ACSBG1: variants seen among roughly 807,000 people sequenced by gnomAD.
ACSBG1 encodes long-chain-fatty-acid--CoA ligase ACSBG1.
ACSBG1 carries 39 observed loss-of-function variants against 80.2 expected under a neutral mutation model. That is an observed-to-expected ratio of 0.49 (90% CI 0.38 to 0.64). The LOEUF (loss-of-function observed/expected upper bound fraction) is 0.64. ACSBG1 is among the 30% of genes least tolerant of loss of function. The pLI, the probability that ACSBG1 is intolerant of heterozygous loss-of-function variation, is 0.00. For synonymous variants in ACSBG1, 392 were observed against 379.5 expected, an observed-to-expected ratio of 1.03 and a Z score of -0.38; for missense variants, 828 against 966.4, an observed-to-expected ratio of 0.86 and a Z score of 1.90.
At chr15:78,207,711 T>C in intron 2 of ACSBG1, 1 of 411,410 alleles carries the variant, frequency 2.4e-6, no homozygotes, top group Non-Finnish European at 4.4e-6. Flanking sequence ...TCCCAAGGCC[T>C]GGGCCCAGAT....
chr15:78,234,451 G>T lies in ACSBG1; in HGVS notation c.51C>A (p.Ser17Arg). The T allele has an allele frequency of 6.2e-7, 1 of 1,612,980 alleles. No homozygotes were observed. The change falls in exon 1 of 14, where the codon AGC becomes AGA. Residue 17 changes from serine to arginine, a missense_variant. This residue lies in a region of ACSBG1 where 356 missense variants were observed against 363.5 expected (regional missense o/e 0.98). Coordinates refer to ENST00000258873, the MANE Select transcript of ACSBG1 (RefSeq NM_015162.5). ...AGYGCPHGDP[S>R]MLDSRETPQE... ...GTGGGGTCTCTCTGCTGTCCAGCAT[G>T]CTGGGGTCCCCGTGTGGGCAGCCGT... is the stretch of plus-strand genomic sequence containing the variant.
At chr15:78,176,617 C>CA (rs2074885252) in intron 11 of ACSBG1, among the ~76,000 whole-genome samples, 1 of 152,006 alleles carries the variant, frequency 6.6e-6, no homozygotes, top group Non-Finnish European at 1.5e-5. Context: ...GAAAGATGTG[C>CA]AAAAATCTCT....
intron 1 of ACSBG1, among the ~76,000 whole-genome samples, chr15:78,219,286 T>A (rs2075340108): frequency 6.6e-6 from 1 of 151,878 alleles, no homozygotes; most frequent in Non-Finnish European, 1.5e-5. Context: ...TGCACACCTG[T>A]GATCCCAGCT....
intron 1 of ACSBG1, among the ~76,000 whole-genome samples, chr15:78,228,043 C>T (rs1443580421): frequency 6.6e-6 from 1 of 152,196 alleles, no homozygotes; most frequent in East Asian, 1.9e-4. Flanking sequence ...TAGATGCATG[C>T]ACCTCCACAC....
At chr15:78,195,141 G>A (rs187284978) in intron 2 of ACSBG1, among the ~76,000 whole-genome samples, 2 of 152,304 alleles carry the variant, frequency 1.3e-5, no homozygotes, top group East Asian at 3.9e-4. Context: ...TAGACAGAAG[G>A]TCAAAGCACC....
chr15:78,172,469 C>T lies in ACSBG1; in HGVS notation c.2090-940G>A, dbSNP rs569024524. Among the ~76,000 whole-genome samples the T allele has an allele frequency of 1.3e-5, 2 of 152,066 alleles. No homozygotes were observed. Among genetic ancestry groups the T allele is most frequent in the Non-Finnish European group, 2.9e-5 (2 of 68,018 alleles). ...TTACTTTTCTTAACCTTGATTTATC[C>T]CCCAAAAGCAAGTTTGAAAGAGCTC... On this transcript the variant is annotated intron_variant, in intron 13 of 13. Coordinates refer to ENST00000258873, the MANE Select transcript of ACSBG1 (RefSeq NM_015162.5). This position sits in a 1 kb window ranked among gnomAD's most constrained non-coding sequence, Gnocchi z 4.1.
At chr15:78,207,926 C>T in intron 2 of ACSBG1, 76 bp downstream of exon 2, 1 of 662,146 alleles carries the variant, frequency 1.5e-6, no homozygotes, top group Non-Finnish European at 2.7e-6. Context: ...GTCCCCCACA[C>T]CACCCACCCC....
intron 2 of ACSBG1, among the ~76,000 whole-genome samples, chr15:78,200,700 C>T (rs1207972428): frequency 1.3e-5 from 2 of 152,192 alleles, no homozygotes; most frequent in Non-Finnish European, 2.9e-5. Flanking sequence ...AAAGGACTAT[C>T]ATGCCTCCCG....
chr15:78,234,220 T>A (rs577505477), intron 1 of ACSBG1, 151 bp downstream of exon 1: 22 of 1,133,630 alleles, frequency 1.9e-5, no homozygotes, highest in Non-Finnish European at 2.5e-5. Context: ...AGTTCTTCCA[T>A]CTTACGGATC....
At chr15:78,232,983 T>A (rs1379025430) in intron 1 of ACSBG1, among the ~76,000 whole-genome samples, 2 of 152,230 alleles carry the variant, frequency 1.3e-5, no homozygotes, top group Non-Finnish European at 2.9e-5. Context: ...GCATGGCCTC[T>A]GGACATATTT....
intron 5 of ACSBG1, 198 bp from the exon 6 acceptor site, chr15:78,182,983 A>G (rs1825906182): frequency 1.6e-6 from 1 of 616,904 alleles, no homozygotes; most frequent in Non-Finnish European, 2.9e-6. Flanking sequence ...AGGTGGGGAT[A>G]GCCAGGGGAC....
intron 1 of ACSBG1, among the ~76,000 whole-genome samples, chr15:78,215,423 G>C (rs577132761): frequency 1.3e-5 from 2 of 152,172 alleles, no homozygotes; most frequent in East Asian, 3.9e-4. Context: ...TTGGGAGGCC[G>C]AGGCGGGTGG....
chr15:78,173,892 C>A, intron 12 of ACSBG1, 53 bp from the exon 13 acceptor site: 4 of 1,580,120 alleles, frequency 2.5e-6, no homozygotes, highest in Non-Finnish European at 3.4e-6. Context: ...AAGACGTAAG[C>A]CCTGGTCCTG....
In ACSBG1 at chr15:78,168,340, T is replaced by A. The variant is rs1280339656; in HGVS notation, c.*3104A>T. 6.6e-6 allele frequency: 1 copy of A among 151,968 alleles called. No homozygotes were observed. Among genetic ancestry groups the A allele is most frequent in the Non-Finnish European group, 1.5e-5 (1 of 68,006 alleles). 9.4% of individuals were successfully genotyped at this position (151,968 alleles called of 1,614,324 possible). A position where few individuals can be genotyped will look rare whatever the true frequency, so the allele number is the denominator to read the frequency against. On this transcript the variant is annotated 3_prime_UTR_variant, in exon 14 of 14. Coordinates refer to ENST00000258873, the MANE Select transcript of ACSBG1 (RefSeq NM_015162.5). Reference sequence around the variant, plus strand: ...TCCAAAAATAGATCAGATACAAAAATTAGTTGGGTATGGTGGCATGCACTT... The same window carrying A: ...TCCAAAAATAGATCAGATACAAAAAATAGTTGGGTATGGTGGCATGCACTT...
chr15:78,175,755 T>C (rs1441154145), intron 11 of ACSBG1, among the ~76,000 whole-genome samples: 1 of 152,116 alleles, frequency 6.6e-6, no homozygotes, highest in Non-Finnish European at 1.5e-5. Flanking sequence ...ACAGGCTGGC[T>C]AGAGAGGAAT....
chr15:78,174,382 C>A lies in ACSBG1; in HGVS notation c.1842+3G>T. ...CTTCTGAGCTGGAGCCCCCCAGACA[C>A]ACCTTCAAGGTGAGCAGCATGGACA... On this transcript the variant is annotated splice_donor_region_variant and intron_variant, in intron 12 of 13. Transcript: ENST00000258873. The A allele has an allele frequency of 1.2e-6, 2 of 1,614,202 alleles. No individual in the cohort carries two copies. Among genetic ancestry groups the A allele is most frequent in the Non-Finnish European group, 1.7e-6 (2 of 1,180,026 alleles).
At chr15:78,203,919 T>TAGAG (rs2075190540) in intron 2 of ACSBG1, among the ~76,000 whole-genome samples, 1 of 151,942 alleles carries the variant, frequency 6.6e-6, no homozygotes, top group South Asian at 2.1e-4. Flanking sequence ...AGGGCCCCTC[T>TAGAG]CTCCAACACG....
intron 11 of ACSBG1, among the ~76,000 whole-genome samples, chr15:78,176,342 C>G (rs537011351): frequency 1.3e-5 from 2 of 152,112 alleles, no homozygotes; most frequent in Non-Finnish European, 2.9e-5. Flanking sequence ...GAAAAAAATT[C>G]ATCTGCTATT....
At position 78,180,931 on chromosome 15, in the gene ACSBG1, G is replaced by C. The variant is rs780246786; in HGVS notation, c.1077C>G (p.Ser359Arg). Residue 359 changes from serine to arginine, a missense_variant, in exon 9 of 14, where the codon AGC (serine) becomes AGG (arginine). Physicochemically the swap from Ser to Arg is moderately radical, Grantham distance 110. Coordinates refer to ENST00000258873, the MANE Select transcript of ACSBG1 (RefSeq NM_015162.5). The part of the protein sequence containing the change: ...CFAEPDALKG[S>R]LVNTLREVEP... ...CCACCTCCCGCAGCGTGTTCACCAG[G>C]CTCCCCTGTTCACACCAGAAGAGGC... 16 of 1,613,746 alleles carry C rather than the reference G, an allele frequency of 9.9e-6. No homozygotes were observed. The highest frequency in any genetic ancestry group is 2.2e-5 in the East Asian group (1 of 44,886).
Sources: allele counts gnomAD v4.1 joint callset (sites outside exome capture counted in the v4.1 genomes callset), GRCh38; gene constraint gnomAD v4.1.1; regional missense constraint gnomAD v4.1.1; non-coding constraint Gnocchi (gnomAD v3.1); transcripts MANE v1.5; gene names NCBI Gene and HGNC (gene_info 2026-07-23, HGNC 2026-07-21).